The following ANKRD13C variants were observed in gnomAD, a reference collection of about 807,000 sequenced individuals.
ANKRD13C encodes the protein ankyrin repeat domain-containing protein 13C.
ANKRD13C carries 16 observed loss-of-function variants against 65.5 expected under a neutral mutation model. The ratio of observed to expected loss-of-function variants is 0.24; its 90% CI spans 0.17 to 0.37. The LOEUF is 0.37. Ranked by LOEUF, ANKRD13C falls within the 10% of genes least tolerant of loss-of-function variation. ANKRD13C has a pLI of 1.00. For missense variants in ANKRD13C, 503 were observed against 655.9 expected (o/e 0.77, Z 2.55); for synonymous variants, 235 against 238.7 (o/e 0.98, Z 0.14).
chr1:70,330,631 G>A (rs1441460589), intron 2 of ANKRD13C, among the ~76,000 whole-genome samples: 2 of 143,770 alleles, frequency 1.4e-5, no homozygotes, highest in South Asian at 2.2e-4. Flanking sequence ...CTATAAAGAC[G>A]ATCAAATATA....
chr1:70,341,685 C>T (rs1192742947), intron 1 of ANKRD13C, among the ~76,000 whole-genome samples: 3 of 152,036 alleles, frequency 2.0e-5, no homozygotes, highest in African/African-American at 7.2e-5. Context: ...TCTATTTGTT[C>T]TGCCTGTTCT....
intron 2 of ANKRD13C, among the ~76,000 whole-genome samples, chr1:70,335,517 G>A (rs964041072): frequency 4.0e-5 from 6 of 151,460 alleles, no homozygotes; most frequent in Middle Eastern, 3.2e-3. Context: ...GAATAACCGG[G>A]GATCTAAATA....
chr1:70,313,826 CTTAG>C (rs757821687), intron 4 of ANKRD13C, 36 bp from the exon 5 acceptor site: 1 of 1,522,508 alleles, frequency 6.6e-7, no homozygotes. Flanking sequence ...CTAAATGCAC[CTTAG>C]TTAAAAGTTC....
chr1:70,313,126 C>G (rs1680917866), intron 5 of ANKRD13C, among the ~76,000 whole-genome samples: 1 of 152,174 alleles, frequency 6.6e-6, no homozygotes, highest in Non-Finnish European at 1.5e-5. Context: ...CCCATAATCC[C>G]ATAATTAATT....
At position 70,286,880 on chromosome 1, in the gene ANKRD13C, G is replaced by A. The variant is rs138399389; in HGVS notation, c.1215+5508C>T. On this transcript the variant is annotated intron_variant, in intron 9 of 12. Coordinates refer to ENST00000370944, the MANE Select transcript of ANKRD13C (RefSeq NM_030816.5). ...GGGTACCTGTAATCTCAGCTACTCC[G>A]GAGGCTGAGGCGGGAGAATTGCTTG... 6.0e-3 allele frequency among the ~76,000 whole-genome samples: 908 copies of A among 152,242 alleles called. 14 individuals are homozygous for A. The highest frequency in any genetic ancestry group is 0.021 in the African/African-American group (881 of 41,542).
rs539275405 is a variant in ANKRD13C at position 70,278,984 on chromosome 1, T to C, written c.1216-2140A>G. ...GGGAGGCCAAGGCAGGTTGATCCCT[T>C]GAGCTCAGGAGTTTGAGACTAGCCT... On this transcript the variant is annotated intron_variant, in intron 9 of 12. Coordinates refer to ENST00000370944, the MANE Select transcript of ANKRD13C (RefSeq NM_030816.5). Among the ~76,000 whole-genome samples, 12 of 152,082 alleles carry C rather than the reference T, an allele frequency of 7.9e-5. No homozygotes were observed. The East Asian group carries it at 2.3e-3, about 29-fold the overall frequency.
At chr1:70,297,455 G>A (rs1280633246) in intron 7 of ANKRD13C, among the ~76,000 whole-genome samples, 3 of 149,594 alleles carry the variant, frequency 2.0e-5, no homozygotes, top group East Asian at 2.0e-4. Flanking sequence ...CCCCATGCCC[G>A]GCTAATTTTT....
chr1:70,293,319 A>G (rs148455678), intron 8 of ANKRD13C, among the ~76,000 whole-genome samples: 29 of 152,310 alleles, frequency 1.9e-4, no homozygotes, highest in Admixed American at 1.2e-3. Context: ...TAACTTACTG[A>G]AAACAAGCTT....
At chr1:70,267,984 T>G (rs1678706875) in intron 12 of ANKRD13C, among the ~76,000 whole-genome samples, 1 of 152,218 alleles carries the variant, frequency 6.6e-6, no homozygotes, top group East Asian at 1.9e-4. Context: ...TCAAATAGCT[T>G]GGCTGTGAAA....
At chr1:70,298,485 ATATG>A (rs10550673) in intron 7 of ANKRD13C, among the ~76,000 whole-genome samples, 10,705 of 152,196 alleles carry the variant, frequency 0.07, 473 homozygotes, top group South Asian at 0.2. Context: ...CATAATACAT[ATATG>A]TATGTATACA....
chr1:70,344,277 C>T (rs1373856547), intron 1 of ANKRD13C, among the ~76,000 whole-genome samples: 2 of 131,002 alleles, frequency 1.5e-5, no homozygotes, highest in African/African-American at 6.0e-5. Flanking sequence ...GCCTGGGCAA[C>T]AGAGCAAGAT....
intron 5 of ANKRD13C, among the ~76,000 whole-genome samples, chr1:70,310,426 T>C (rs1465094709): frequency 6.6e-6 from 1 of 152,222 alleles, no homozygotes; most frequent in Non-Finnish European, 1.5e-5. Context: ...CACGTATTAA[T>C]AGTTGTGATG....
At chr1:70,315,667 A>G (rs1332929968) in intron 3 of ANKRD13C, 101 bp from the exon 4 acceptor site, 2 of 849,850 alleles carry the variant, frequency 2.4e-6, no homozygotes, top group Non-Finnish European at 3.6e-6. Flanking sequence ...ATGTACACAT[A>G]TATGCACGTG....
chr1:70,319,234 A>T (rs188500419), intron 3 of ANKRD13C, among the ~76,000 whole-genome samples: 23 of 152,306 alleles, frequency 1.5e-4, no homozygotes, highest in African/African-American at 5.5e-4. Context: ...GCTGATATCA[A>T]TGTGGTCCTT....
chr1:70,269,111 G>A (rs1222532458), intron 12 of ANKRD13C, among the ~76,000 whole-genome samples: 1 of 138,502 alleles, frequency 7.2e-6, no homozygotes, highest in East Asian at 2.2e-4. Flanking sequence ...AAAAAGAAAC[G>A]GTGAAAGAGT....
intron 9 of ANKRD13C, among the ~76,000 whole-genome samples, chr1:70,289,478 T>A (rs1679762599): frequency 1.3e-5 from 2 of 152,082 alleles, no homozygotes; most frequent in African/African-American, 4.8e-5. Context: ...TATTATTTTT[T>A]TTTTTTGAGA....
intron 1 of ANKRD13C, among the ~76,000 whole-genome samples, chr1:70,352,811 T>C (rs1316684107): frequency 1.3e-5 from 2 of 152,232 alleles, no homozygotes; most frequent in Non-Finnish European, 2.9e-5. Flanking sequence ...CATACTTTTT[T>C]GGGGATTTAT....
intron 5 of ANKRD13C, among the ~76,000 whole-genome samples, chr1:70,307,467 T>TA (rs943364689): frequency 2.6e-5 from 4 of 152,076 alleles, no homozygotes; most frequent in Non-Finnish European, 5.9e-5. Flanking sequence ...TTAAATGCTG[T>TA]AAAAAAGTAC....
intron 2 of ANKRD13C, among the ~76,000 whole-genome samples, chr1:70,333,761 C>T (rs1185406115): frequency 2.6e-5 from 4 of 151,882 alleles, no homozygotes; most frequent in Admixed American, 1.3e-4. Context: ...AGGAGAATAC[C>T]GCAGATATAA....
Sources: gnomAD v4.1 joint callset for allele counts (sites outside exome capture counted in the v4.1 genomes callset) on GRCh38, gnomAD v4.1.1 for gene constraint, MANE v1.5 for transcripts, NCBI Gene and HGNC (gene_info 2026-07-23, HGNC 2026-07-21) for gene names.